CNTN4: variants seen among roughly 807,000 people sequenced by gnomAD.
CNTN4 encodes the protein contactin-4.
Under a neutral mutation model 122.5 loss-of-function variants are expected in CNTN4, and 77 were observed. The observed-to-expected ratio is 0.63, with a 90% CI of 0.52 to 0.76. CNTN4 has a LOEUF of 0.76. Ranked by LOEUF, CNTN4 falls within the 30% of genes least tolerant of loss-of-function variation. The pLI, the probability that CNTN4 is intolerant of heterozygous loss-of-function variation, is 0.00. For synonymous variants in CNTN4, 512 were observed against 447.0 expected, an observed-to-expected ratio of 1.15 and a Z score of -1.83; for missense variants, 1,256 against 1,259.1, an observed-to-expected ratio of 1.00 and a Z score of 0.04.
intron 3 of CNTN4, among the ~76,000 whole-genome samples, chr3:2,495,395 AT>A (rs2076426814): frequency 6.6e-6 from 1 of 152,244 alleles, no homozygotes; most frequent in Non-Finnish European, 1.5e-5. Context: ...CCATTTACAA[AT>A]ATGACTTATT....
In CNTN4 at chr3:2,763,882, T is replaced by C. The variant is rs560476779; in HGVS notation, c.358+18185T>C. Among the ~76,000 whole-genome samples the C allele has an allele frequency of 3.9e-5, 6 of 152,300 alleles. No individual in the cohort carries two copies. The South Asian group carries it at 1.0e-3, about 26-fold the overall frequency. ...CAATACCATGCTGTTTTGGTTACTG[T>C]GTCCCTATAGTATAGTTTGAAGTTG... On this transcript the variant is annotated intron_variant, in intron 6 of 24. Coordinates refer to ENST00000418658, the MANE Select transcript of CNTN4 (RefSeq NM_175607.3).
intron 12 of CNTN4, among the ~76,000 whole-genome samples, chr3:2,910,574 T>G (rs1159163927): frequency 6.6e-6 from 1 of 152,236 alleles, no homozygotes; most frequent in Non-Finnish European, 1.5e-5. Flanking sequence ...TTTAACTCTA[T>G]TGTATTAATT....
At chr3:2,212,098 A>G (rs1028254694) in intron 2 of CNTN4, among the ~76,000 whole-genome samples, 1 of 152,012 alleles carries the variant, frequency 6.6e-6, no homozygotes, top group Non-Finnish European at 1.5e-5. Context: ...CTCAGTCCAG[A>G]ATAGCTGGGA....
At chr3:2,303,401 A>G (rs2042595490) in intron 2 of CNTN4, among the ~76,000 whole-genome samples, 1 of 151,964 alleles carries the variant, frequency 6.6e-6, no homozygotes, top group Admixed American at 6.6e-5. Context: ...CTGGACAACC[A>G]CTAATCCACT....
intron 14 of CNTN4, among the ~76,000 whole-genome samples, chr3:3,001,359 G>GT (rs1222380856): frequency 4.6e-5 from 7 of 152,200 alleles, no homozygotes; most frequent in Non-Finnish European, 7.3e-5. Flanking sequence ...ATTCCTCATT[G>GT]TTTTTTCCCA....
rs141408340 is a variant in CNTN4, at chr3:2,394,144, G to C, written c.-89+54911G>C. 2.1e-3 allele frequency among the ~76,000 whole-genome samples: 326 copies of C among 151,636 alleles called. 2 individuals carry two copies. The highest frequency in any genetic ancestry group is 7.5e-3 in the African/African-American group (310 of 41,398). ...ATATTAATGAACATGAATTTGCAGAGTGTGTCGTTTAAAAAGGAAGTTGTT... is the reference window on the plus strand; with the variant it reads ...ATATTAATGAACATGAATTTGCAGACTGTGTCGTTTAAAAAGGAAGTTGTT... On this transcript the variant is annotated intron_variant, in intron 3 of 24. Coordinates refer to ENST00000418658, the MANE Select transcript of CNTN4 (RefSeq NM_175607.3).
chr3:2,186,290 A>T (rs895533311), intron 2 of CNTN4, among the ~76,000 whole-genome samples: 3 of 152,218 alleles, frequency 2.0e-5, no homozygotes, highest in East Asian at 1.9e-4. Context: ...ATAGTATTTC[A>T]TGGTGTATAT....
chr3:2,203,175 T>G (rs115288471), intron 2 of CNTN4, among the ~76,000 whole-genome samples: 3,467 of 152,224 alleles, frequency 0.023, 63 homozygotes, highest in Non-Finnish European at 0.03. Context: ...TATGTGTATT[T>G]CTATACATGT....
intron 2 of CNTN4, among the ~76,000 whole-genome samples, chr3:2,336,043 G>C (rs2043941072): frequency 6.6e-6 from 1 of 152,144 alleles, no homozygotes; most frequent in Non-Finnish European, 1.5e-5. Flanking sequence ...GTGTTTTGGG[G>C]TAAGCCGAAC....
At chr3:2,543,461 G>C (rs1251486225) in intron 3 of CNTN4, among the ~76,000 whole-genome samples, 1 of 152,048 alleles carries the variant, frequency 6.6e-6, no homozygotes, top group Non-Finnish European at 1.5e-5. Context: ...GGGTCACCTG[G>C]GATTTGGGCC....
At chr3:2,483,999 C>G (rs761950205) in intron 3 of CNTN4, among the ~76,000 whole-genome samples, 2 of 152,066 alleles carry the variant, frequency 1.3e-5, no homozygotes, top group African/African-American at 2.4e-5. Flanking sequence ...CAAAAAGATA[C>G]TGTCAAGAGA....
In CNTN4 at chr3:2,850,429, GTTTA is replaced by G. The variant is rs1000598700; in HGVS notation, c.455-16315_455-16312del. The stretch of plus-strand genomic sequence containing the variant: ...ATGACAGTAATGATCTCATGTATTT[GTTTA>G]TTTATTTTTACGTTTTTCAGTTTAA... On this transcript the variant is annotated intron_variant, in intron 7 of 24. Transcript: ENST00000418658. Among the ~76,000 whole-genome samples, 85 of 152,212 alleles carry G rather than the reference GTTTA, an allele frequency of 5.6e-4. 1 individual carries two copies. The highest frequency in any genetic ancestry group is 1.9e-3 in the African/African-American group (77 of 41,520).
intron 3 of CNTN4, among the ~76,000 whole-genome samples, chr3:2,492,524 C>G (rs1222541624): frequency 6.6e-6 from 1 of 152,122 alleles, no homozygotes. Context: ...TTTGGAGATC[C>G]AAGAGCTGGG....
chr3:2,483,027 C>T (rs1020790605), intron 3 of CNTN4, among the ~76,000 whole-genome samples: 4 of 151,794 alleles, frequency 2.6e-5, no homozygotes, highest in Non-Finnish European at 5.9e-5. Flanking sequence ...GATCCACCTA[C>T]AGCTTGTACT....
intron 3 of CNTN4, among the ~76,000 whole-genome samples, chr3:2,469,726 C>T (rs1211639389): frequency 6.6e-6 from 1 of 152,182 alleles, no homozygotes; most frequent in Non-Finnish European, 1.5e-5. Flanking sequence ...GCCTTCCATT[C>T]TCTTGATCCA....
rs1239851103 is a variant in CNTN4 at position 2,709,377 on chromosome 3, G to C, written c.56-26838G>C. ...ATACTGATGCGTAGGTCTCACGCCTGGTTAGGATTTGATTGGTAAGGGTAC... is the reference window on the plus strand; with the variant it reads ...ATACTGATGCGTAGGTCTCACGCCTCGTTAGGATTTGATTGGTAAGGGTAC... On this transcript the variant is annotated intron_variant, in intron 4 of 24. Coordinates refer to ENST00000418658, the MANE Select transcript of CNTN4 (RefSeq NM_175607.3). This position sits in a 1 kb window ranked among gnomAD's most constrained non-coding sequence, Gnocchi z 5.0. Among the ~76,000 whole-genome samples the C allele has an allele frequency of 6.6e-6, 1 of 152,014 alleles. No homozygotes were observed. The highest frequency in any genetic ancestry group is 2.1e-4 in the South Asian group (1 of 4,816).
chr3:2,397,290 GA>G (rs1379286543), intron 3 of CNTN4, among the ~76,000 whole-genome samples: 1 of 152,128 alleles, frequency 6.6e-6, no homozygotes, highest in Non-Finnish European at 1.5e-5. Flanking sequence ...TTTGAAGCAA[GA>G]ACTAAAAACG....
chr3:2,217,187 G>A (rs1041650403), intron 2 of CNTN4, among the ~76,000 whole-genome samples: 2 of 152,078 alleles, frequency 1.3e-5, no homozygotes, highest in African/African-American at 4.8e-5. Context: ...TCTGTGACAT[G>A]AGTCTTCCTC....
chr3:2,245,155 C>G (rs958834715), intron 2 of CNTN4, among the ~76,000 whole-genome samples: 6 of 151,962 alleles, frequency 3.9e-5, no homozygotes, highest in African/African-American at 1.4e-4. Context: ...ATAGAACTCA[C>G]TCCTCCTATG....
Sources: allele counts gnomAD v4.1 joint callset (sites outside exome capture counted in the v4.1 genomes callset), GRCh38; gene constraint gnomAD v4.1.1; non-coding constraint Gnocchi (gnomAD v3.1); transcripts MANE v1.5; gene names NCBI Gene and HGNC (gene_info 2026-07-23, HGNC 2026-07-21).